Variants in PSMB7 observed in about 807,000 individuals in gnomAD.
PSMB7 encodes the protein proteasome 20S subunit beta 7, also known as proteasome subunit beta type-7.
Under a neutral mutation model 28.1 loss-of-function variants are expected in PSMB7, and 5 were observed. The observed-to-expected ratio is 0.18, with a 90% CI of 0.09 to 0.37. The LOEUF is 0.37. PSMB7 is among the 10% of genes least tolerant of loss of function. The pLI is 1.00. For synonymous variants in PSMB7, 122 were observed against 123.7 expected (o/e 0.99, Z 0.09); for missense variants, 275 against 346.2 (o/e 0.79, Z 1.63).
intron 5 of PSMB7, among the ~76,000 whole-genome samples, chr9:124,392,045 A>G (rs1458555902): frequency 6.6e-6 from 1 of 152,256 alleles, no homozygotes; most frequent in Non-Finnish European, 1.5e-5. Context: ...GGAAGGGGAA[A>G]ACATTCATTG....
chr9:124,373,617 G>A (rs1476988242), intron 6 of PSMB7, among the ~76,000 whole-genome samples: 1 of 152,094 alleles, frequency 6.6e-6, no homozygotes, highest in East Asian at 1.9e-4. Context: ...CCATCTAAAC[G>A]TTTCCATAGT....
chr9:124,410,247 GC>G (rs960291414), intron 4 of PSMB7, among the ~76,000 whole-genome samples: 1 of 151,906 alleles, frequency 6.6e-6, no homozygotes, highest in African/African-American at 2.4e-5. Flanking sequence ...GCCTGCCTCG[GC>G]CCCCCAAAGT....
Position 124,356,619 on chromosome 9 carries a change from A to C in PSMB7, c.722+145T>G. On this transcript the variant is annotated intron_variant, in intron 7 of 7. Transcript: ENST00000259457. This position sits in a 1 kb window ranked among gnomAD's most constrained non-coding sequence, Gnocchi z 4.4. The stretch of plus-strand genomic sequence containing the variant: ...CTGTCATAAAGCAAGTAACAAGCCG[A>C]AGGTCTGTGTGGGAGGTTGATTTGG... 1 of 915,166 alleles carries C rather than the reference A, an allele frequency of 1.1e-6. No homozygotes were observed. 56.7% of individuals were successfully genotyped at this position (915,166 alleles called of 1,614,324 possible).
chr9:124,367,404 C>A (rs2131148192), intron 6 of PSMB7, among the ~76,000 whole-genome samples: 1 of 152,278 alleles, frequency 6.6e-6, no homozygotes, highest in South Asian at 2.1e-4. Context: ...TTTCCCCCCA[C>A]TGCACCAGGA....
intron 5 of PSMB7, among the ~76,000 whole-genome samples, chr9:124,402,246 C>T (rs769394034): frequency 6.6e-6 from 1 of 152,148 alleles, no homozygotes; most frequent in Non-Finnish European, 1.5e-5. Context: ...CTTGGACAGA[C>T]AGGAGGTCAC....
intron 6 of PSMB7, among the ~76,000 whole-genome samples, chr9:124,378,248 G>C (rs1005191031): frequency 2.0e-5 from 3 of 152,234 alleles, no homozygotes; most frequent in Admixed American, 2.0e-4. Flanking sequence ...TGGGACGCCA[G>C]AGCATGCCAA....
chr9:124,409,183 G>A (rs924706632), intron 4 of PSMB7, among the ~76,000 whole-genome samples: 6 of 152,136 alleles, frequency 3.9e-5, no homozygotes, highest in African/African-American at 1.4e-4. Context: ...AGAGAGGAAG[G>A]GAAGAACTTA....
At chr9:124,381,721 C>G (rs1830666697) in intron 6 of PSMB7, among the ~76,000 whole-genome samples, 1 of 152,218 alleles carries the variant, frequency 6.6e-6, no homozygotes, top group Non-Finnish European at 1.5e-5. Flanking sequence ...GACACTTTGG[C>G]TGAATCTAAA....
chr9:124,365,564 T>G (rs532604942), intron 6 of PSMB7, among the ~76,000 whole-genome samples: 6 of 152,294 alleles, frequency 3.9e-5, no homozygotes, highest in Admixed American at 1.3e-4. Context: ...TGTACAGTCA[T>G]GTACCACGTA....
intron 6 of PSMB7, 98 bp from the exon 7 acceptor site, chr9:124,357,013 C>A (rs1424366618): frequency 6.1e-6 from 8 of 1,313,864 alleles, no homozygotes; most frequent in African/African-American, 4.4e-5. Flanking sequence ...AGACCTCCCG[C>A]GAGACAGGTG....
In PSMB7 at chr9:124,414,412, C is replaced by G. The variant is rs532356175; in HGVS notation, c.157-407G>C. 1.1e-3 allele frequency among the ~76,000 whole-genome samples: 163 copies of G among 152,212 alleles called. 1 individual carries two copies. Among genetic ancestry groups the G allele is most frequent in the African/African-American group, 3.2e-3 (131 of 41,532 alleles). ...GTAATCATTATCCCTTTTGACGTTTCCAACAATTTAAGGCAGGAGTTATCT... is the reference window on the plus strand; with the variant it reads ...GTAATCATTATCCCTTTTGACGTTTGCAACAATTTAAGGCAGGAGTTATCT... On this transcript the variant is annotated intron_variant, in intron 2 of 7. Transcript: ENST00000259457.
rs769137878 is a variant in PSMB7, at chr9:124,414,945, A to C, written c.63-10T>G. On this transcript the variant is annotated splice_polypyrimidine_tract_variant and intron_variant, in intron 1 of 7. Transcript: ENST00000259457. ...TTCCAAGACGGCATTCCTAAGAGCAAATGAGAGAATCAAGTGTTGAAGGGC... is the reference window on the plus strand; with the variant it reads ...TTCCAAGACGGCATTCCTAAGAGCACATGAGAGAATCAAGTGTTGAAGGGC... 1.9e-6 allele frequency: 3 copies of C among 1,594,612 alleles called. No homozygotes were observed. Among genetic ancestry groups the C allele is most frequent in the African/African-American group, 2.7e-5 (2 of 74,502 alleles).
At chr9:124,397,569 C>T (rs1045199317) in intron 5 of PSMB7, among the ~76,000 whole-genome samples, 9 of 152,192 alleles carry the variant, frequency 5.9e-5, no homozygotes, top group Non-Finnish European at 1.3e-4. Flanking sequence ...AAAATTTAGA[C>T]ACCCTTGTCT....
intron 6 of PSMB7, among the ~76,000 whole-genome samples, chr9:124,367,095 G>T (rs1830516038): frequency 6.6e-6 from 1 of 152,356 alleles, no homozygotes; most frequent in African/African-American, 2.4e-5. Context: ...CCAGAGAGGA[G>T]TTGATGATAA....
Position 124,353,727 on chromosome 9 carries a change from A to G in PSMB7, c.723-18T>C, listed in dbSNP as rs376141803. 7.7e-6 allele frequency: 12 copies of G among 1,567,454 alleles called. No individual in the cohort carries two copies. Among genetic ancestry groups the G allele is most frequent in the African/African-American group, 2.7e-5 (2 of 74,090 alleles). On this transcript the variant is annotated intron_variant, in intron 7 of 7. Coordinates refer to ENST00000259457, the MANE Select transcript of PSMB7 (RefSeq NM_002799.4). The stretch of plus-strand genomic sequence containing the variant: ...GGCCAAGCCTAGTAAGAGAAAAACA[A>G]AAGCACAGAGTTAGGATTCTCCTCA...
intron 5 of PSMB7, among the ~76,000 whole-genome samples, chr9:124,389,906 AGCAG>A (rs1252863459): frequency 6.6e-6 from 1 of 152,240 alleles, no homozygotes; most frequent in Non-Finnish European, 1.5e-5. Flanking sequence ...ATCTTATAAT[AGCAG>A]GCCCACTAGC....
At chr9:124,384,958 G>A (rs1830704624) in intron 5 of PSMB7, among the ~76,000 whole-genome samples, 1 of 152,222 alleles carries the variant, frequency 6.6e-6, no homozygotes, top group African/African-American at 2.4e-5. Context: ...TGGAGAATTT[G>A]GATTTTGTTC....
intron 6 of PSMB7, among the ~76,000 whole-genome samples, chr9:124,360,729 T>C (rs1345043692): frequency 1.3e-5 from 2 of 152,242 alleles, no homozygotes; most frequent in South Asian, 2.1e-4. Context: ...CAGAATGGGT[T>C]TGAATCCCCA....
intron 5 of PSMB7, among the ~76,000 whole-genome samples, chr9:124,392,787 A>T (rs954905295): frequency 3.3e-5 from 5 of 152,136 alleles, no homozygotes; most frequent in African/African-American, 4.8e-5. Flanking sequence ...CTTTTCCCCA[A>T]ATCAATTTAA....
Sources: gnomAD v4.1 joint callset for allele counts (sites outside exome capture counted in the v4.1 genomes callset) on GRCh38, gnomAD v4.1.1 for gene constraint, Gnocchi (gnomAD v3.1) non-coding constraint, MANE v1.5 for transcripts, NCBI Gene and HGNC (gene_info 2026-07-23, HGNC 2026-07-21) for gene names.